Variants in TRIM62 observed in about 807,000 individuals in gnomAD.
The protein encoded by TRIM62 is tripartite motif containing 62, also known as E3 ubiquitin-protein ligase TRIM62.
TRIM62 carries 39 observed loss-of-function variants against 44.2 expected under a neutral mutation model. The observed-to-expected ratio is 0.88, with a 90% CI of 0.68 to 1.15. The LOEUF (loss-of-function observed/expected upper bound fraction) is 1.15. Among genes scored for constraint, TRIM62 ranks in the 50% most tolerant of loss-of-function variants. The pLI is 0.00. For missense variants in TRIM62, 544 were observed against 665.5 expected (o/e 0.82, Z 2.01); for synonymous variants, 278 against 292.3 (o/e 0.95, Z 0.50).
In TRIM62 at chr1:33,174,945, G is replaced by GTATATATATATA. The variant is rs72310095; in HGVS notation, c.408+6068_408+6079dup. 4.0e-4 allele frequency among the ~76,000 whole-genome samples: 57 copies of GTATATATATATA among 141,738 alleles called. No homozygotes were observed. In the East Asian group the frequency reaches 9.4e-3, roughly 23 times the overall value. 93.0% of individuals were successfully genotyped at this position (141,738 alleles called of 152,430 possible). A position where few individuals can be genotyped will look rare whatever the true frequency, so the allele number is the denominator to read the frequency against. ...CACACACACACATACATATATGTGT[G>GTATATATATATA]TATATATATATATATATATATATAC... On this transcript the variant is annotated intron_variant, in intron 1 of 4. Transcript: ENST00000291416.
Position 33,174,978 on chromosome 1 carries a change from TAC to T in TRIM62, c.408+6045_408+6046del, listed in dbSNP as rs1488883924. On this transcript the variant is annotated intron_variant, in intron 1 of 4. Transcript: ENST00000291416. Reference sequence around the variant, plus strand: ...ATATATATATATATATACACACATATACATATATATGCACACACACATGTATG... The same window carrying T: ...ATATATATATATATATACACACATATATATATATGCACACACACATGTATG... Among the ~76,000 whole-genome samples, 379 of 137,100 alleles carry T rather than the reference TAC, an allele frequency of 2.8e-3. 5 individuals are homozygous for T. Among genetic ancestry groups the T allele is most frequent in the African/African-American group, 9.8e-3 (357 of 36,546 alleles). 89.9% of individuals were successfully genotyped at this position (137,100 alleles called of 152,430 possible).
chr1:33,168,256 T>C (rs756867434), intron 1 of TRIM62, among the ~76,000 whole-genome samples: 4 of 152,204 alleles, frequency 2.6e-5, no homozygotes, highest in African/African-American at 9.6e-5. Context: ...GAGGCAACTG[T>C]AAAGACCAAA....
intron 1 of TRIM62, among the ~76,000 whole-genome samples, chr1:33,174,876 T>C (rs1362682669): frequency 2.0e-5 from 3 of 151,100 alleles, no homozygotes; most frequent in African/African-American, 4.9e-5. Context: ...ATGGCACAGA[T>C]ACTGGCTAAA....
chr1:33,154,623 C>A (rs1006524103), intron 4 of TRIM62, among the ~76,000 whole-genome samples: 1 of 151,220 alleles, frequency 6.6e-6, no homozygotes, highest in African/African-American at 2.4e-5. Flanking sequence ...CATGGTGAAA[C>A]ACCGTCTCTA....
Position 33,181,204 on chromosome 1 carries a change from A to G in TRIM62, c.229T>C (p.Ser77Pro). Reference sequence around the variant, plus strand: ...TTGAGGATGGCGTCCAGCGGGAAGGAGCTGTAGCGCTCCACGATGTTGGCC... The same window carrying G: ...TTGAGGATGGCGTCCAGCGGGAAGGGGCTGTAGCGCTCCACGATGTTGGCC... ...KLANIVERYS[S>P]FPLDAILNAR... Residue 77 changes from serine (S) to proline (P), a missense_variant, in exon 1 of 5, where the codon TCC becomes CCC. Ser to Pro is a moderately conservative substitution (Grantham distance 74). Transcript: ENST00000291416. This position sits in a 1 kb window ranked among gnomAD's most constrained non-coding sequence, Gnocchi z 6.5. The G allele has an allele frequency of 6.3e-7, 1 of 1,584,704 alleles. No homozygotes were observed. The highest frequency in any genetic ancestry group is 8.5e-7 in the Non-Finnish European group (1 of 1,171,028).
intron 4 of TRIM62, among the ~76,000 whole-genome samples, chr1:33,154,819 C>T (rs1300161934): frequency 9.5e-5 from 14 of 147,070 alleles, no homozygotes; most frequent in South Asian, 4.3e-4. Flanking sequence ...AGTGGCCAGG[C>T]GCGGTGATTC....
chr1:33,159,953 G>T lies in TRIM62; in HGVS notation c.505-9C>A, dbSNP rs750466941. On this transcript the variant is annotated splice_polypyrimidine_tract_variant and intron_variant, in intron 2 of 4. Coordinates refer to ENST00000291416, the MANE Select transcript of TRIM62 (RefSeq NM_018207.3). The surrounding 1 kb of genome is among the most constrained non-coding windows in gnomAD (Gnocchi z 4.2). ...AGGCTCTTGGTGGAAGACTGTGGGG[G>T]ACAGTCGTCAGGGGTTATGGCTGGG... 25 of 1,599,634 alleles carry T rather than the reference G, an allele frequency of 1.6e-5. No homozygotes were observed. The highest frequency in any genetic ancestry group is 2.1e-5 in the Non-Finnish European group (25 of 1,177,862).
At chr1:33,150,805 C>T (rs1645085890) in intron 4 of TRIM62, among the ~76,000 whole-genome samples, 1 of 152,060 alleles carries the variant, frequency 6.6e-6, no homozygotes, top group Non-Finnish European at 1.5e-5. Flanking sequence ...GGAACCTAAT[C>T]AGACATAGGT....
At chr1:33,168,581 A>G (rs895674029) in intron 1 of TRIM62, among the ~76,000 whole-genome samples, 1 of 152,202 alleles carries the variant, frequency 6.6e-6, no homozygotes, top group South Asian at 2.1e-4. Flanking sequence ...CTTGTCTTAC[A>G]TGAGAGAGAA....
intron 1 of TRIM62, among the ~76,000 whole-genome samples, chr1:33,173,932 C>T (rs1480485062): frequency 6.6e-6 from 1 of 152,036 alleles, no homozygotes; most frequent in Non-Finnish European, 1.5e-5. Flanking sequence ...CTCCTAGCTT[C>T]TGGCCTCAAA....
intron 4 of TRIM62, among the ~76,000 whole-genome samples, chr1:33,153,951 A>G (rs1446376543): frequency 6.6e-6 from 1 of 152,204 alleles, no homozygotes; most frequent in Non-Finnish European, 1.5e-5. Context: ...GACAATGACA[A>G]AACAGTGAGA....
In TRIM62 at chr1:33,147,794, T is replaced by C; in HGVS notation, c.878-67A>G. ...GGCTGTGGACCCACCATGCAGTGCCTTCCTGAGGGCAGAGTTCTGGTTGGT... is the reference window on the plus strand; with the variant it reads ...GGCTGTGGACCCACCATGCAGTGCCCTCCTGAGGGCAGAGTTCTGGTTGGT... On this transcript the variant is annotated intron_variant, in intron 4 of 4. Transcript: ENST00000291416. This position sits in a 1 kb window ranked among gnomAD's most constrained non-coding sequence, Gnocchi z 8.1. 2 of 1,536,496 alleles carry C rather than the reference T, an allele frequency of 1.3e-6. No individual in the cohort carries two copies. Among genetic ancestry groups the C allele is most frequent in the Non-Finnish European group, 1.8e-6 (2 of 1,134,534 alleles).
intron 4 of TRIM62, among the ~76,000 whole-genome samples, chr1:33,151,657 G>A (rs12734992): frequency 0.19 from 28,371 of 152,112 alleles, 3,139 homozygotes; most frequent in South Asian, 0.3. Context: ...TCTAAGTCCC[G>A]GGACACCAAG....
rs922850201 is a variant in TRIM62 at position 33,176,353 on chromosome 1, C to T, written c.408+4672G>A. The stretch of plus-strand genomic sequence containing the variant: ...CGAAATTTGAACCTAGCCCCCAGCC[C>T]CCTCCCTCCTTGGGTGGCTGCCTTG... On this transcript the variant is annotated intron_variant, in intron 1 of 4. Coordinates refer to ENST00000291416, the MANE Select transcript of TRIM62 (RefSeq NM_018207.3). 3 of 660,884 alleles carry T rather than the reference C, an allele frequency of 4.5e-6. No homozygotes were observed. The African/African-American group carries it at 5.3e-5, about 12-fold the overall frequency. The allele number at this position is 660,884 out of a possible 1,614,324, so 40.9% of individuals were successfully genotyped here.
chr1:33,161,004 G>C lies in TRIM62; in HGVS notation c.505-1060C>G, dbSNP rs987167843. 5.9e-5 allele frequency among the ~76,000 whole-genome samples: 9 copies of C among 152,222 alleles called. No homozygotes were observed. Among genetic ancestry groups the C allele is most frequent in the Non-Finnish European group, 1.3e-4 (9 of 68,046 alleles). ...ACAGGTTTGGTGCCTGACAGTCTGC[G>C]TAAGGACTCTAGCTCTGGGTCTCTA... On this transcript the variant is annotated intron_variant, in intron 2 of 4. Coordinates refer to ENST00000291416, the MANE Select transcript of TRIM62 (RefSeq NM_018207.3). The surrounding 1 kb of genome is among the most constrained non-coding windows in gnomAD (Gnocchi z 4.3).
rs2124706315 is a variant in TRIM62 at position 33,145,928 on chromosome 1, A to C, written c.*1249T>G. Reference sequence around the variant, plus strand: ...GGATCTGACTTAAGTTCCCCCAAACAGAATCTCTTGTAAAAATTTAGATTT... The same window carrying C: ...GGATCTGACTTAAGTTCCCCCAAACCGAATCTCTTGTAAAAATTTAGATTT... On this transcript the variant is annotated 3_prime_UTR_variant, in exon 5 of 5. Coordinates refer to ENST00000291416, the MANE Select transcript of TRIM62 (RefSeq NM_018207.3). 2.1e-6 allele frequency: 1 copy of C among 471,024 alleles called. No homozygotes were observed. Among genetic ancestry groups the C allele is most frequent in the East Asian group, 7.0e-5 (1 of 14,388 alleles). 29.2% of individuals were successfully genotyped at this position (471,024 alleles called of 1,614,324 possible). A position where few individuals can be genotyped will look rare whatever the true frequency, so the allele number is the denominator to read the frequency against.
rs751839061 is a variant in TRIM62 at position 33,147,607 on chromosome 1, C to T, written c.998G>A (p.Arg333His). 6.2e-6 allele frequency: 10 copies of T among 1,613,996 alleles called. No individual in the cohort carries two copies. The highest frequency in any genetic ancestry group is 8.5e-6 in the Non-Finnish European group (10 of 1,180,048). The change falls in exon 5 of 5, where the codon CGC becomes CAC. Residue 333 changes from arginine to histidine, a missense_variant. Coordinates refer to ENST00000291416, the MANE Select transcript of TRIM62 (RefSeq NM_018207.3). This position sits in a 1 kb window ranked among gnomAD's most constrained non-coding sequence, Gnocchi z 8.1. ...CAGCACCGACACCTCCACATCGAAGCGCTTTGGCGAGTCCTGCAGTGGCTG... is the reference window on the plus strand; with the variant it reads ...CAGCACCGACACCTCCACATCGAAGTGCTTTGGCGAGTCCTGCAGTGGCTG... ...HPQPLQDSPKRFDVEVSVLGS... is the reference protein window; with the variant it reads ...HPQPLQDSPKHFDVEVSVLGS...
At chr1:33,178,382 C>T (rs3766820) in intron 1 of TRIM62, among the ~76,000 whole-genome samples, 28,124 of 152,108 alleles carry the variant, frequency 0.18, 3,088 homozygotes, top group South Asian at 0.29. Context: ...TGAATCTCAC[C>T]CAGCAGCACA....
intron 1 of TRIM62, among the ~76,000 whole-genome samples, chr1:33,174,976 TATAC>T (rs1280150917): frequency 5.7e-4 from 80 of 140,232 alleles, no homozygotes; most frequent in African/African-American, 2.0e-3. Flanking sequence ...TATACACACA[TATAC>T]ATATATATGC....
Sources: allele counts gnomAD v4.1 joint callset (sites outside exome capture counted in the v4.1 genomes callset), GRCh38; gene constraint gnomAD v4.1.1; non-coding constraint Gnocchi (gnomAD v3.1); transcripts MANE v1.5; gene names NCBI Gene and HGNC (gene_info 2026-07-23, HGNC 2026-07-21).